Variants in GATAD2A observed in about 807,000 individuals in gnomAD.
GATAD2A encodes GATA zinc finger domain containing 2A, also known as transcriptional repressor p66-alpha.
Under a neutral mutation model 68.5 loss-of-function variants are expected in GATAD2A, and 12 were observed. That is an observed-to-expected ratio of 0.18 (90% CI 0.11 to 0.28). The LOEUF (loss-of-function observed/expected upper bound fraction) is 0.28. GATAD2A is among the 10% of genes least tolerant of loss of function. The pLI, the probability that GATAD2A is intolerant of heterozygous loss-of-function variation, is 1.00. For missense variants in GATAD2A, 755 were observed against 868.5 expected (o/e 0.87, Z 1.64); for synonymous variants, 410 against 375.3 (o/e 1.09, Z -1.07).
intron 1 of GATAD2A, among the ~76,000 whole-genome samples, chr19:19,433,537 A>G (rs1324183046): frequency 6.6e-6 from 1 of 152,078 alleles, no homozygotes; most frequent in Non-Finnish European, 1.5e-5. Context: ...GAGAATTGAT[A>G]CCTTCTGACC....
At chr19:19,476,101 T>G (rs974866578) in intron 2 of GATAD2A, among the ~76,000 whole-genome samples, 1 of 152,172 alleles carries the variant, frequency 6.6e-6, no homozygotes, top group East Asian at 1.9e-4. Context: ...AACTTTGAAA[T>G]GGGGCTTCTC....
intron 2 of GATAD2A, among the ~76,000 whole-genome samples, chr19:19,488,527 C>T (rs996208167): frequency 3.3e-5 from 5 of 152,188 alleles, no homozygotes; most frequent in African/African-American, 9.7e-5. Context: ...ACGTACTGGC[C>T]GCTGGTTGCT....
At chr19:19,451,691 G>C (rs118084110) in intron 1 of GATAD2A, among the ~76,000 whole-genome samples, 3,067 of 152,296 alleles carry the variant, frequency 0.02, 56 homozygotes, top group Non-Finnish European at 0.03. Context: ...TCCTTCACAT[G>C]CTCTACAACT....
At chr19:19,386,225 G>GGCCGAGTTTACTCCCTTC (rs2048402588) in intron 1 of GATAD2A, 1 of 152,640 alleles carries the variant, frequency 6.6e-6, no homozygotes, top group African/African-American at 2.4e-5. Context: ...GCACTACCTT[G>GGCCGAGTTTACTCCCTTC]GCCGAGTTTA....
At chr19:19,484,112 A>G (rs1568326073) in intron 2 of GATAD2A, among the ~76,000 whole-genome samples, 2 of 152,096 alleles carry the variant, frequency 1.3e-5, no homozygotes, top group African/African-American at 2.4e-5. Context: ...CACACCCACT[A>G]CACAGGGGCC....
Position 19,505,669 on chromosome 19 carries a change from G to A in GATAD2A, c.*195G>A, listed in dbSNP as rs1031178262. The A allele has an allele frequency of 1.6e-5, 8 of 504,810 alleles. No individual in the cohort carries two copies. The highest frequency in any genetic ancestry group is 4.1e-5 in the African/African-American group (2 of 49,360). The allele number at this position is 504,810 out of a possible 1,614,324, so 31.3% of individuals were successfully genotyped here. A position where few individuals can be genotyped will look rare whatever the true frequency, so the allele number is the denominator to read the frequency against. ...TCATCAGGGCTAGGGGGCTGGTGCC[G>A]CCTCATAGGCAGACGAGGATCATCG... On this transcript the variant is annotated 3_prime_UTR_variant, in exon 12 of 12. Transcript: ENST00000683918.
intron 2 of GATAD2A, among the ~76,000 whole-genome samples, chr19:19,471,783 GTTGTGAGTCTGTTGGTT>G (rs1205458404): frequency 6.6e-6 from 1 of 152,254 alleles, no homozygotes; most frequent in African/African-American, 2.4e-5. Flanking sequence ...AGAGGTAGAA[GTTGTGAGTCTGTTGGTT>G]TTGTGAGGCC....
At chr19:19,414,388 A>G (rs1041018203) in intron 1 of GATAD2A, among the ~76,000 whole-genome samples, 9 of 152,008 alleles carry the variant, frequency 5.9e-5, no homozygotes, top group African/African-American at 2.2e-4. Flanking sequence ...ATGAGGATAT[A>G]TCCCTGTTTT....
At chr19:19,505,306 C>G (rs543130073) in intron 11 of GATAD2A, 38 bp from the exon 12 acceptor site, 1 of 1,606,278 alleles carries the variant, frequency 6.2e-7, no homozygotes, top group Non-Finnish European at 8.5e-7. Context: ...GCCCTCCTGA[C>G]GAGGGCCTTC....
At chr19:19,454,372 T>C (rs937795544) in intron 1 of GATAD2A, among the ~76,000 whole-genome samples, 3 of 150,350 alleles carry the variant, frequency 2.0e-5, no homozygotes, top group African/African-American at 4.9e-5. Flanking sequence ...CCGAGGTGGG[T>C]GGATCACCTG....
chr19:19,419,642 G>A (rs962790104), intron 1 of GATAD2A, among the ~76,000 whole-genome samples: 6 of 151,316 alleles, frequency 4.0e-5, no homozygotes, highest in East Asian at 2.0e-4. Context: ...TCAGCTGCTC[G>A]AATAGCTGGG....
intron 11 of GATAD2A, among the ~76,000 whole-genome samples, chr19:19,504,622 G>C (rs1174749628): frequency 6.6e-6 from 1 of 151,140 alleles, no homozygotes; most frequent in African/African-American, 2.4e-5. Flanking sequence ...CTTGAGGGTA[G>C]GAGATAGTTT....
At chr19:19,417,127 T>A (rs2051746074) in intron 1 of GATAD2A, among the ~76,000 whole-genome samples, 1 of 152,244 alleles carries the variant, frequency 6.6e-6, no homozygotes, top group Admixed American at 6.5e-5. Flanking sequence ...GCAGATACCC[T>A]GTGGAATGAA....
chr19:19,494,432 TG>T, intron 5 of GATAD2A, 49 bp downstream of exon 5: 1 of 1,191,632 alleles, frequency 8.4e-7, no homozygotes, highest in Non-Finnish European at 1.3e-6. Flanking sequence ...GCACTGCTGC[TG>T]TCAAGCACAG....
At chr19:19,482,579 C>T (rs2059132132) in intron 2 of GATAD2A, among the ~76,000 whole-genome samples, 1 of 152,100 alleles carries the variant, frequency 6.6e-6, no homozygotes, top group Non-Finnish European at 1.5e-5. Context: ...GGTGTGTGAC[C>T]TTAGGAAGTC....
chr19:19,422,081 C>A (rs2052490069), intron 1 of GATAD2A, among the ~76,000 whole-genome samples: 1 of 152,164 alleles, frequency 6.6e-6, no homozygotes, highest in African/African-American at 2.4e-5. Flanking sequence ...CCTTGGCCTC[C>A]CAAAGTGCTG....
chr19:19,389,018 C>G (rs1378571112), intron 1 of GATAD2A, among the ~76,000 whole-genome samples: 1 of 152,108 alleles, frequency 6.6e-6, no homozygotes, highest in Non-Finnish European at 1.5e-5. Context: ...TTTTAGGTGA[C>G]TTTGGCCTGG....
intron 1 of GATAD2A, among the ~76,000 whole-genome samples, chr19:19,400,604 T>C (rs2049635844): frequency 6.6e-6 from 1 of 152,198 alleles, no homozygotes; most frequent in African/African-American, 2.4e-5. Flanking sequence ...CTGTAGCTAT[T>C]TTCTGGTCCC....
intron 1 of GATAD2A, chr19:19,457,267 G>A (rs772448311): frequency 2.0e-6 from 2 of 984,380 alleles, no homozygotes; most frequent in Non-Finnish European, 2.4e-6. Flanking sequence ...CATACCTTCT[G>A]GCTGCAGGTT....
Sources: gnomAD v4.1 joint callset for allele counts (sites outside exome capture counted in the v4.1 genomes callset) on GRCh38, gnomAD v4.1.1 for gene constraint, MANE v1.5 for transcripts, NCBI Gene and HGNC (gene_info 2026-07-23, HGNC 2026-07-21) for gene names.